The following CNTN1 variants were observed in gnomAD, a reference collection of about 807,000 sequenced individuals.
The protein encoded by CNTN1 is contactin-1.
A neutral mutation model predicts 126.4 loss-of-function variants in CNTN1; 38 were observed. That is an observed-to-expected ratio of 0.30 (90% CI 0.23 to 0.39). The LOEUF is 0.39. Ranked by LOEUF, CNTN1 falls within the 10% of genes least tolerant of loss-of-function variation. The pLI is 1.00. For synonymous variants in CNTN1, 413 were observed against 422.6 expected (o/e 0.98, Z 0.28); for missense variants, 1,009 against 1,248.4 (o/e 0.81, Z 2.89).
chr12:40,720,416 G>T (rs1200410891), intron 1 of CNTN1, among the ~76,000 whole-genome samples: 1 of 151,112 alleles, frequency 6.6e-6, no homozygotes, highest in Non-Finnish European at 1.5e-5. Context: ...AGGGGTGTGT[G>T]TGTGTGTGTG....
At chr12:40,737,566 C>T (rs1937752705) in intron 1 of CNTN1, among the ~76,000 whole-genome samples, 1 of 151,602 alleles carries the variant, frequency 6.6e-6, no homozygotes, top group Non-Finnish European at 1.5e-5. Flanking sequence ...TCTCTCCTTT[C>T]ACTTTTTTCT....
At chr12:40,712,854 T>G (rs1397510899) in intron 1 of CNTN1, among the ~76,000 whole-genome samples, 1 of 152,084 alleles carries the variant, frequency 6.6e-6, no homozygotes, top group Non-Finnish European at 1.5e-5. Context: ...ATGTTGGTGG[T>G]GTAGCCTAAT....
intron 1 of CNTN1, among the ~76,000 whole-genome samples, chr12:40,801,637 A>C (rs1231255655): frequency 1.3e-5 from 2 of 151,766 alleles, no homozygotes; most frequent in Non-Finnish European, 2.9e-5. Context: ...GAATAGGGAG[A>C]TTGCCAGTGT....
chr12:40,786,647 A>G (rs189230978), intron 1 of CNTN1, among the ~76,000 whole-genome samples: 57 of 152,294 alleles, frequency 3.7e-4, no homozygotes, highest in African/African-American at 1.2e-3. Context: ...GATAAATTAA[A>G]AGAAAATTAT....
intron 1 of CNTN1, among the ~76,000 whole-genome samples, chr12:40,807,294 TATTATA>T: frequency 6.6e-6 from 1 of 152,096 alleles, no homozygotes; most frequent in Non-Finnish European, 1.5e-5. Flanking sequence ...CAATTATTAT[TATTATA>T]ATTATTATTA....
chr12:40,872,212 TTG>T (rs61187240), intron 1 of CNTN1, among the ~76,000 whole-genome samples: 5,763 of 113,448 alleles, frequency 0.051, 127 homozygotes, highest in African/African-American at 0.074. Context: ...GTTGCTTTGT[TTG>T]TGTGTGTGTG....
chr12:40,873,553 C>T (rs923233459), intron 1 of CNTN1, among the ~76,000 whole-genome samples: 2 of 152,086 alleles, frequency 1.3e-5, no homozygotes, highest in Admixed American at 1.3e-4. Flanking sequence ...TTTTTCTTTG[C>T]TTCTTCCAAA....
At chr12:40,906,658 T>C (rs531831306) in intron 1 of CNTN1, among the ~76,000 whole-genome samples, 1 of 149,552 alleles carries the variant, frequency 6.7e-6, no homozygotes, top group Admixed American at 6.8e-5. Flanking sequence ...CTTTTAAAAT[T>C]GTTTTTCATG....
rs1022821682 is a variant in CNTN1, at chr12:40,929,054, T to C, written c.497-742T>C. Reference sequence around the variant, plus strand: ...ATGCATTGCCCATTGTCTCCTTGTGTATTTGTTGAATGACTCCTGGGGAGT... The same window carrying C: ...ATGCATTGCCCATTGTCTCCTTGTGCATTTGTTGAATGACTCCTGGGGAGT... On this transcript the variant is annotated intron_variant, in intron 6 of 23. Coordinates refer to ENST00000551295, the MANE Select transcript of CNTN1 (RefSeq NM_001843.4). 2.0e-5 allele frequency among the ~76,000 whole-genome samples: 3 copies of C among 151,942 alleles called. No homozygotes were observed. The East Asian group carries it at 5.8e-4, about 29-fold the overall frequency.
chr12:40,825,003 C>G (rs1263105221), intron 1 of CNTN1, among the ~76,000 whole-genome samples: 1 of 152,180 alleles, frequency 6.6e-6, no homozygotes, highest in African/African-American at 2.4e-5. Context: ...TACTCTCCAA[C>G]AGTGTGGTGG....
chr12:40,958,295 GTA>G (rs1384026754), intron 14 of CNTN1, among the ~76,000 whole-genome samples: 1 of 151,664 alleles, frequency 6.6e-6, no homozygotes, highest in South Asian at 2.1e-4. Flanking sequence ...AAAAGTGTGT[GTA>G]TGTGTGTGTG....
chr12:41,067,293 T>G (rs958966432), intron 23 of CNTN1, among the ~76,000 whole-genome samples: 21 of 152,238 alleles, frequency 1.4e-4, no homozygotes, highest in Non-Finnish European at 3.1e-4. Context: ...GTATTTGGTT[T>G]TCATACTAGT....
At chr12:40,784,008 G>A (rs1015515645) in intron 1 of CNTN1, among the ~76,000 whole-genome samples, 2 of 152,180 alleles carry the variant, frequency 1.3e-5, no homozygotes, top group East Asian at 3.9e-4. Flanking sequence ...TTCTCTTCAA[G>A]ATTCCCACAG....
chr12:40,935,396 A>T (rs982451310), intron 9 of CNTN1, among the ~76,000 whole-genome samples: 1 of 152,118 alleles, frequency 6.6e-6, no homozygotes, highest in African/African-American at 2.4e-5. Flanking sequence ...CCTTAGAAGA[A>T]CCAAGGTGAC....
At chr12:40,821,155 A>C (rs957264137) in intron 1 of CNTN1, among the ~76,000 whole-genome samples, 3 of 152,212 alleles carry the variant, frequency 2.0e-5, no homozygotes, top group Non-Finnish European at 4.4e-5. Flanking sequence ...GAGACTGGAA[A>C]TGTGTTTAGG....
At chr12:40,712,597 A>G (rs1003353712) in intron 1 of CNTN1, among the ~76,000 whole-genome samples, 4 of 152,066 alleles carry the variant, frequency 2.6e-5, no homozygotes, top group Admixed American at 2.6e-4. Context: ...AACCAACCCC[A>G]TAGCCTAACG....
chr12:41,064,854 A>AT (rs1008012378), intron 23 of CNTN1, among the ~76,000 whole-genome samples: 16 of 151,682 alleles, frequency 1.1e-4, no homozygotes, highest in Non-Finnish European at 2.1e-4. Context: ...AAAAGGTTTA[A>AT]TTTTTTTTTA....
chr12:40,785,586 G>A (rs1272434760), intron 1 of CNTN1, among the ~76,000 whole-genome samples: 1 of 152,156 alleles, frequency 6.6e-6, no homozygotes, highest in Non-Finnish European at 1.5e-5. Context: ...TGTTTTGTGG[G>A]CAGTGGGTGG....
chr12:40,825,066 C>T (rs962215646), intron 1 of CNTN1, among the ~76,000 whole-genome samples: 4 of 152,230 alleles, frequency 2.6e-5, no homozygotes, highest in East Asian at 3.9e-4. Flanking sequence ...CTGACTGATA[C>T]ATATTTGACT....
Sources: allele counts gnomAD v4.1 joint callset (sites outside exome capture counted in the v4.1 genomes callset), GRCh38; gene constraint gnomAD v4.1.1; transcripts MANE v1.5; gene names NCBI Gene and HGNC (gene_info 2026-07-23, HGNC 2026-07-21).